Variants in CCDC192 observed in about 807,000 individuals in gnomAD.
The protein encoded by CCDC192 is coiled-coil domain-containing protein 192.
intron 6 of CCDC192, among the ~76,000 whole-genome samples, chr5:127,938,755 T>C (rs7717741): frequency 0.77 from 117,104 of 152,276 alleles, 45,847 homozygotes; most frequent in East Asian, 0.96. Context: ...TAAAGCACAT[T>C]TTTATTCAGA....
At chr5:127,834,585 G>A (rs1453415812) in intron 5 of CCDC192, among the ~76,000 whole-genome samples, 1 of 152,084 alleles carries the variant, frequency 6.6e-6, no homozygotes, top group South Asian at 2.1e-4. Context: ...TATTACATGC[G>A]ATATTCATAG....
chr5:127,784,789 G>A (rs761792009), intron 3 of CCDC192: 5 of 486,426 alleles, frequency 1.0e-5, no homozygotes, highest in South Asian at 3.5e-5. Context: ...TCATCTTCAT[G>A]ATTCTCATGA....
intron 6 of CCDC192, among the ~76,000 whole-genome samples, chr5:127,939,939 C>A (rs758031790): frequency 4.5e-4 from 68 of 152,312 alleles, no homozygotes; most frequent in Non-Finnish European, 5.9e-4. Context: ...TGAAATGATA[C>A]CCAAGCCCTT....
intron 5 of CCDC192, among the ~76,000 whole-genome samples, chr5:127,849,749 A>G (rs954997479): frequency 2.3e-4 from 35 of 152,226 alleles, no homozygotes; most frequent in Admixed American, 4.6e-4. Context: ...CTTCTCAGTA[A>G]TACCTTTTCC....
At chr5:127,888,837 C>G (rs374430833) in intron 6 of CCDC192, among the ~76,000 whole-genome samples, 5 of 152,158 alleles carry the variant, frequency 3.3e-5, no homozygotes, top group African/African-American at 9.6e-5. Flanking sequence ...TATCTTGATG[C>G]TATAAACAAA....
rs114718092 is a variant in CCDC192, at chr5:127,853,992, A to G, written c.412-21546A>G. Among the ~76,000 whole-genome samples the G allele has an allele frequency of 7.6e-3, 1,153 of 152,270 alleles. 16 individuals carry two copies. The highest frequency in any genetic ancestry group is 0.026 in the African/African-American group (1,066 of 41,540). ...CTATTCCCAGCTCCCCAAAGGCACC[A>G]TGGCACCTTCATCATGAAACCATTT... is the stretch of plus-strand genomic sequence containing the variant. On this transcript the variant is annotated intron_variant, in intron 5 of 6. Transcript: ENST00000514853.
chr5:127,728,196 C>A (rs1451612138), intron 2 of CCDC192, among the ~76,000 whole-genome samples: 5 of 151,978 alleles, frequency 3.3e-5, no homozygotes. Context: ...CCAGAGAACC[C>A]CAATAAGATA....
chr5:127,884,179 T>C (rs988022808), intron 6 of CCDC192, among the ~76,000 whole-genome samples: 1 of 151,492 alleles, frequency 6.6e-6, no homozygotes, highest in Non-Finnish European at 1.5e-5. Context: ...CTGCCTCTAC[T>C]AAAAATACAA....
chr5:127,770,068 A>C (rs1010009595), intron 3 of CCDC192, among the ~76,000 whole-genome samples: 10 of 152,184 alleles, frequency 6.6e-5, no homozygotes, highest in Admixed American at 4.6e-4. Context: ...TCTACTTCCC[A>C]GTTAAATGAA....
intron 6 of CCDC192, among the ~76,000 whole-genome samples, chr5:127,880,985 A>G (rs1436826599): frequency 6.6e-6 from 1 of 152,214 alleles, no homozygotes; most frequent in Non-Finnish European, 1.5e-5. Flanking sequence ...AGCTCAAAAA[A>G]TAAAATAAAA....
At chr5:127,881,640 A>C (rs941950220) in intron 6 of CCDC192, among the ~76,000 whole-genome samples, 6 of 152,262 alleles carry the variant, frequency 3.9e-5, no homozygotes, top group Admixed American at 6.5e-5. Context: ...AGTGTGCTTA[A>C]ATTACCTCCA....
At chr5:127,779,384 C>T (rs1167559389) in intron 3 of CCDC192, among the ~76,000 whole-genome samples, 1 of 151,514 alleles carries the variant, frequency 6.6e-6, no homozygotes, top group Non-Finnish European at 1.5e-5. Flanking sequence ...CAAGCTCTGC[C>T]TCCCAGGTTT....
At chr5:127,851,658 A>T (rs888969365) in intron 5 of CCDC192, among the ~76,000 whole-genome samples, 1 of 152,186 alleles carries the variant, frequency 6.6e-6, no homozygotes, top group Admixed American at 6.5e-5. Context: ...GGATTTCACC[A>T]TGTTGGTCAG....
chr5:127,884,424 A>G (rs905608441), intron 6 of CCDC192, among the ~76,000 whole-genome samples: 1 of 150,426 alleles, frequency 6.6e-6, no homozygotes, highest in South Asian at 2.1e-4. Context: ...GCTATCTTAT[A>G]TCATTACCAT....
intron 5 of CCDC192, among the ~76,000 whole-genome samples, chr5:127,799,910 T>G (rs1208309942): frequency 3.9e-5 from 6 of 152,294 alleles, no homozygotes; most frequent in African/African-American, 1.4e-4. Context: ...ATGAAAACAG[T>G]ATTAACGATA....
At chr5:127,864,354 C>A (rs1306630257) in intron 5 of CCDC192, among the ~76,000 whole-genome samples, 1 of 152,174 alleles carries the variant, frequency 6.6e-6, no homozygotes, top group Non-Finnish European at 1.5e-5. Context: ...TCCACAAGTT[C>A]CCTCCCTACC....
intron 6 of CCDC192, among the ~76,000 whole-genome samples, chr5:127,931,161 C>T (rs1284998872): frequency 6.6e-6 from 1 of 152,068 alleles, no homozygotes; most frequent in African/African-American, 2.4e-5. Context: ...TGCTTCCAAC[C>T]CAAAGTCCAA....
chr5:127,927,263 A>C (rs970171641), intron 6 of CCDC192, among the ~76,000 whole-genome samples: 4 of 152,190 alleles, frequency 2.6e-5, no homozygotes, highest in African/African-American at 9.7e-5. Context: ...CTCTTATTAC[A>C]GTATGTTGTT....
intron 5 of CCDC192, among the ~76,000 whole-genome samples, chr5:127,871,806 A>G (rs2127127596): frequency 6.6e-6 from 1 of 152,348 alleles, no homozygotes; most frequent in South Asian, 2.1e-4. Flanking sequence ...TTTTCAAAAC[A>G]TTGCACAAAT....
Sources: gnomAD v4.1 joint callset for allele counts (sites outside exome capture counted in the v4.1 genomes callset) on GRCh38, gnomAD v4.1.1 for gene constraint, MANE v1.5 for transcripts, NCBI Gene and HGNC (gene_info 2026-07-23, HGNC 2026-07-21) for gene names.